Variants in SH3PXD2A observed in about 807,000 individuals in gnomAD.
The protein encoded by SH3PXD2A is SH3 and PX domain-containing protein 2A.
A neutral mutation model predicts 115.2 loss-of-function variants in SH3PXD2A; 32 were observed. That is an observed-to-expected ratio of 0.28 (90% CI 0.21 to 0.37). The LOEUF (loss-of-function observed/expected upper bound fraction) is 0.37. Among genes scored for constraint, SH3PXD2A ranks in the 10% least tolerant of loss-of-function variants. The probability of loss-of-function intolerance (pLI) is 1.00; values close to 1 mark genes in which losing one functional copy is unlikely to be tolerated. For missense variants in SH3PXD2A, 1,328 were observed against 1,498.7 expected (o/e 0.89, Z 1.88); for synonymous variants, 610 against 629.1 (o/e 0.97, Z 0.45).
intron 6 of SH3PXD2A, among the ~76,000 whole-genome samples, chr10:103,686,412 G>C (rs558376953): frequency 9.3e-4 from 142 of 152,342 alleles, no homozygotes; most frequent in Admixed American, 1.5e-3. Flanking sequence ...GCTTTTTAGA[G>C]AACTGGGTGA....
At chr10:103,722,141 T>TA (rs2038190013) in intron 5 of SH3PXD2A, among the ~76,000 whole-genome samples, 1 of 151,880 alleles carries the variant, frequency 6.6e-6, no homozygotes, top group African/African-American at 2.4e-5. Flanking sequence ...CCGTCTCTAC[T>TA]AAAAATACAA....
intron 1 of SH3PXD2A, among the ~76,000 whole-genome samples, chr10:103,806,844 C>T (rs1336136695): frequency 6.6e-6 from 1 of 152,132 alleles, no homozygotes; most frequent in East Asian, 1.9e-4. Context: ...CTGAGGGGAC[C>T]CAGGGGCTCA....
intron 8 of SH3PXD2A, among the ~76,000 whole-genome samples, chr10:103,655,671 G>A (rs1296942274): frequency 6.6e-6 from 1 of 151,500 alleles, no homozygotes; most frequent in African/African-American, 2.4e-5. Context: ...TACTCGGGAG[G>A]CTGACGCAGG....
At chr10:103,847,833 G>A (rs1564903596) in intron 1 of SH3PXD2A, among the ~76,000 whole-genome samples, 3 of 152,150 alleles carry the variant, frequency 2.0e-5, no homozygotes, top group East Asian at 1.9e-4. Flanking sequence ...CAGCTACTTG[G>A]GAGGCTAAGG....
chr10:103,784,803 G>A lies in SH3PXD2A; in HGVS notation c.153+16479C>T, dbSNP rs577753541. On this transcript the variant is annotated intron_variant, in intron 2 of 14. Transcript: ENST00000369774. The surrounding 1 kb of genome is among the most constrained non-coding windows in gnomAD (Gnocchi z 4.4). ...AGAAGGGGGAAAAGGAGAAGGGAGT[G>A]GGGAGGATGTGGGGAGGGGTCCAGA... Among the ~76,000 whole-genome samples, 3 of 151,972 alleles carry A rather than the reference G, an allele frequency of 2.0e-5. No individual in the cohort carries two copies. The highest frequency in any genetic ancestry group is 7.3e-5 in the African/African-American group (3 of 41,336).
rs953468160 is a variant in SH3PXD2A at position 103,665,788 on chromosome 10, G to T, written c.472+2820C>A. Reference sequence around the variant, plus strand: ...GGCTGGAGGAGTCTGCCTGAGTGGGGAGGGGGCAGTGGAGGGAGCCTGGTG... The same window carrying T: ...GGCTGGAGGAGTCTGCCTGAGTGGGTAGGGGGCAGTGGAGGGAGCCTGGTG... On this transcript the variant is annotated intron_variant, in intron 7 of 14. Coordinates refer to ENST00000369774, the MANE Select transcript of SH3PXD2A (RefSeq NM_001394015.1). This position sits in a 1 kb window ranked among gnomAD's most constrained non-coding sequence, Gnocchi z 4.0. Among the ~76,000 whole-genome samples the T allele has an allele frequency of 6.6e-6, 1 of 152,234 alleles. No homozygotes were observed.
intron 10 of SH3PXD2A, among the ~76,000 whole-genome samples, chr10:103,619,781 C>T (rs2036576088): frequency 6.6e-6 from 1 of 152,208 alleles, no homozygotes; most frequent in Non-Finnish European, 1.5e-5. Context: ...GACTCTGGGG[C>T]TGCAGCAACC....
intron 5 of SH3PXD2A, among the ~76,000 whole-genome samples, chr10:103,716,331 G>A (rs913166909): frequency 6.6e-6 from 1 of 152,120 alleles, no homozygotes; most frequent in Non-Finnish European, 1.5e-5. Context: ...GGCCCCTGAT[G>A]GGCAGGCTGA....
intron 6 of SH3PXD2A, among the ~76,000 whole-genome samples, chr10:103,692,627 C>T (rs1257582514): frequency 6.6e-6 from 1 of 152,234 alleles, no homozygotes; most frequent in African/African-American, 2.4e-5. Flanking sequence ...CACCGCTGCA[C>T]CGCGAGAGGG....
At chr10:103,654,614 A>G (rs2037181338) in intron 8 of SH3PXD2A, among the ~76,000 whole-genome samples, 2 of 152,182 alleles carry the variant, frequency 1.3e-5, no homozygotes, top group South Asian at 4.2e-4. Context: ...ACAGGGCCTC[A>G]CTATGCTGCC....
chr10:103,625,403 G>A (rs566052147), intron 9 of SH3PXD2A, among the ~76,000 whole-genome samples: 28 of 152,362 alleles, frequency 1.8e-4, no homozygotes, highest in Non-Finnish European at 3.7e-4. Flanking sequence ...AAAGGACCAA[G>A]GGACAAAGGA....
intron 1 of SH3PXD2A, among the ~76,000 whole-genome samples, chr10:103,819,993 G>A (rs1273587504): frequency 6.6e-6 from 1 of 152,166 alleles, no homozygotes; most frequent in Non-Finnish European, 1.5e-5. Flanking sequence ...CTAGTTCCTG[G>A]AGGGGCACAG....
intron 3 of SH3PXD2A, among the ~76,000 whole-genome samples, chr10:103,765,743 T>C (rs2038747362): frequency 6.6e-6 from 1 of 152,220 alleles, no homozygotes; most frequent in African/African-American, 2.4e-5. Flanking sequence ...ACCCTGGCAC[T>C]GAGCTTCCAG....
chr10:103,718,855 ATGTT>A (rs1266452037), intron 5 of SH3PXD2A, among the ~76,000 whole-genome samples: 2 of 151,654 alleles, frequency 1.3e-5, no homozygotes, highest in African/African-American at 4.8e-5. Flanking sequence ...TAGGGACCAA[ATGTT>A]TGTGTCCCAC....
At chr10:103,606,165 CATTACT>C (rs2036297103) in intron 13 of SH3PXD2A, among the ~76,000 whole-genome samples, 1 of 141,212 alleles carries the variant, frequency 7.1e-6, no homozygotes, top group African/African-American at 2.7e-5. Flanking sequence ...AAAATTCTCA[CATTACT>C]ATTACTATCA....
At position 103,735,715 on chromosome 10, in the gene SH3PXD2A, C is replaced by A; in HGVS notation, c.306+17G>T. On this transcript the variant is annotated intron_variant, in intron 4 of 14. Coordinates refer to ENST00000369774, the MANE Select transcript of SH3PXD2A (RefSeq NM_001394015.1). ...GCCCTCCCCGAGCCCCTCCCCCAGC[C>A]CCAGATACACTCTCACCCGGCAGTA... 6.3e-7 allele frequency: 1 copy of A among 1,592,404 alleles called. No homozygotes were observed. Among genetic ancestry groups the A allele is most frequent in the Non-Finnish European group, 8.6e-7 (1 of 1,161,482 alleles).
chr10:103,844,799 C>A (rs562042295), intron 1 of SH3PXD2A, among the ~76,000 whole-genome samples: 36 of 152,200 alleles, frequency 2.4e-4, no homozygotes, highest in African/African-American at 7.9e-4. Flanking sequence ...CACCCTGGGG[C>A]CAGAGGTTAT....
intron 2 of SH3PXD2A, among the ~76,000 whole-genome samples, chr10:103,790,148 AAG>A (rs1034732005): frequency 4.0e-5 from 6 of 151,824 alleles, no homozygotes; most frequent in African/African-American, 1.5e-4. Flanking sequence ...CAAAAACAGA[AAG>A]AGGACTTTCT....
intron 1 of SH3PXD2A, among the ~76,000 whole-genome samples, chr10:103,814,888 G>C (rs2039308653): frequency 6.6e-6 from 1 of 152,156 alleles, no homozygotes; most frequent in Admixed American, 6.5e-5. Context: ...TGAAACTGCA[G>C]GGAGGCAGCT....
Sources: allele counts gnomAD v4.1 joint callset (sites outside exome capture counted in the v4.1 genomes callset), GRCh38; gene constraint gnomAD v4.1.1; non-coding constraint Gnocchi (gnomAD v3.1); transcripts MANE v1.5; gene names NCBI Gene and HGNC (gene_info 2026-07-23, HGNC 2026-07-21).